The following C12orf42 variants were observed in gnomAD, a reference collection of about 807,000 sequenced individuals.
C12orf42 encodes uncharacterized protein C12orf42.
Under a neutral mutation model 21.6 loss-of-function variants are expected in C12orf42, and 25 were observed. The ratio of observed to expected loss-of-function variants is 1.16; its 90% CI spans 0.84 to 1.62. The LOEUF is 1.62. Among genes scored for constraint, C12orf42 ranks in the 40% most tolerant of loss-of-function variants. The pLI is 0.00. For missense variants in C12orf42, 483 were observed against 459.3 expected (o/e 1.05, Z -0.47); for synonymous variants, 174 against 175.0 (o/e 0.99, Z 0.05).
At chr12:103,312,216 G>C (rs2039039797) in intron 4 of C12orf42, among the ~76,000 whole-genome samples, 1 of 152,158 alleles carries the variant, frequency 6.6e-6, no homozygotes, top group African/African-American at 2.4e-5. Flanking sequence ...GCTGAGTTTA[G>C]GACCCAGGTC....
chr12:103,334,655 C>T (rs998286819), intron 4 of C12orf42, among the ~76,000 whole-genome samples: 2 of 152,094 alleles, frequency 1.3e-5, no homozygotes, highest in African/African-American at 2.4e-5. Flanking sequence ...CCCTGCGTTC[C>T]CAGCCCCAGC....
At chr12:103,169,282 T>TGAGGAGGCA in the C12orf42 span, among the ~76,000 whole-genome samples, 1 of 152,082 alleles carries the variant, frequency 6.6e-6, no homozygotes, top group Non-Finnish European at 1.5e-5. Flanking sequence ...CTGTGCCCTA[T>TGAGGAGGCA]GTAAATCAGA....
chr12:103,139,038 GT>G, the C12orf42 span, among the ~76,000 whole-genome samples: 1 of 152,064 alleles, frequency 6.6e-6, no homozygotes, highest in Non-Finnish European at 1.5e-5. Flanking sequence ...CCCTTGTCTT[GT>G]GTTTTCTTTT....
chr12:103,146,596 G>GAA, the C12orf42 span, among the ~76,000 whole-genome samples: 1 of 149,620 alleles, frequency 6.7e-6, no homozygotes, highest in Non-Finnish European at 1.5e-5. Flanking sequence ...AAGAAAGAAA[G>GAA]AAAGAAAGAA....
the C12orf42 span, among the ~76,000 whole-genome samples, chr12:103,177,595 CA>C: frequency 5.2e-3 from 796 of 152,278 alleles, 3 homozygotes; most frequent in African/African-American, 0.018. Context: ...ATGGGCCTTC[CA>C]GGGGCACGGC....
intron 2 of C12orf42, among the ~76,000 whole-genome samples, chr12:103,403,172 G>A (rs879525580): frequency 9.2e-5 from 14 of 152,032 alleles, no homozygotes; most frequent in Admixed American, 2.0e-4. Context: ...TCAGGAGATC[G>A]AGACCACCCT....
intron 4 of C12orf42, among the ~76,000 whole-genome samples, chr12:103,340,749 A>G (rs1451778868): frequency 1.3e-5 from 2 of 152,242 alleles, no homozygotes; most frequent in African/African-American, 4.8e-5. Context: ...TGGACACTAG[A>G]ACGTCTGATA....
At chr12:103,125,558 A>T in the C12orf42 span, among the ~76,000 whole-genome samples, 1 of 152,140 alleles carries the variant, frequency 6.6e-6, no homozygotes, top group Admixed American at 6.6e-5. Flanking sequence ...GGAAGAAATG[A>T]GTTCATTGCT....
At chr12:103,304,986 C>G (rs1304745488) in intron 5 of C12orf42, among the ~76,000 whole-genome samples, 1 of 152,126 alleles carries the variant, frequency 6.6e-6, no homozygotes, top group Non-Finnish European at 1.5e-5. Context: ...CAAAAGGTCC[C>G]TATAAAGCAG....
At chr12:103,309,199 G>A (rs1233384525) in intron 4 of C12orf42, among the ~76,000 whole-genome samples, 3 of 152,138 alleles carry the variant, frequency 2.0e-5, no homozygotes, top group African/African-American at 4.8e-5. Flanking sequence ...CCCTTGAACT[G>A]AGCAGGTCCA....
chr12:103,503,331 C>A, the C12orf42 span: 3 of 152,326 alleles, frequency 2.0e-5, no homozygotes, highest in Admixed American at 2.0e-4. Flanking sequence ...TCTGGCGCCC[C>A]AGCTCCTCCA....
At chr12:103,227,189 G>A in the C12orf42 span, among the ~76,000 whole-genome samples, 1 of 152,034 alleles carries the variant, frequency 6.6e-6, no homozygotes, top group Non-Finnish European at 1.5e-5. Context: ...AGAGAAGAGA[G>A]TAGAGAAATG....
chr12:103,063,446 C>T, the C12orf42 span, among the ~76,000 whole-genome samples: 1 of 152,100 alleles, frequency 6.6e-6, no homozygotes, highest in African/African-American at 2.4e-5. Flanking sequence ...GTGGGAGGAC[C>T]CTGATGAAGC....
Position 103,433,181 on chromosome 12 carries a change from A to G in C12orf42, c.79-31506T>C, listed in dbSNP as rs150034478. 7.2e-5 allele frequency among the ~76,000 whole-genome samples: 11 copies of G among 152,350 alleles called. No individual in the cohort carries two copies. The East Asian group carries it at 2.1e-3, about 29-fold the overall frequency. ...GCACAATTCCTGGCCCTGAATAAAT[A>G]TTCATTACATAATAAAACCACAAGA... is the stretch of plus-strand genomic sequence containing the variant. On this transcript the variant is annotated intron_variant, in intron 2 of 5. Transcript: ENST00000548883.
intron 4 of C12orf42, among the ~76,000 whole-genome samples, chr12:103,326,338 C>T (rs539360218): frequency 2.6e-5 from 4 of 152,286 alleles, no homozygotes; most frequent in South Asian, 4.1e-4. Flanking sequence ...CAAGGTCCAG[C>T]GGCCACTCAT....
At chr12:103,336,353 T>C (rs2041694941) in intron 4 of C12orf42, among the ~76,000 whole-genome samples, 1 of 152,226 alleles carries the variant, frequency 6.6e-6, no homozygotes, top group South Asian at 2.1e-4. Context: ...CACACACTTT[T>C]AGTCAGAAAA....
At chr12:103,103,029 C>G in the C12orf42 span, among the ~76,000 whole-genome samples, 1 of 152,188 alleles carries the variant, frequency 6.6e-6, no homozygotes, top group Admixed American at 6.5e-5. Flanking sequence ...CCAACAGAAA[C>G]ACATCTCACT....
chr12:103,112,422 A>G, the C12orf42 span, among the ~76,000 whole-genome samples: 22 of 152,196 alleles, frequency 1.4e-4, no homozygotes, highest in African/African-American at 5.1e-4. Context: ...CACTTTGGGA[A>G]GCCGAGGCAG....
the C12orf42 span, among the ~76,000 whole-genome samples, chr12:103,126,406 T>C: frequency 2.0e-5 from 3 of 152,218 alleles, no homozygotes; most frequent in Admixed American, 6.5e-5. Context: ...ATATTGTAAC[T>C]AGGAATGAGT....
Sources: gnomAD v4.1 joint callset for allele counts (sites outside exome capture counted in the v4.1 genomes callset) on GRCh38, gnomAD v4.1.1 for gene constraint, MANE v1.5 for transcripts, NCBI Gene and HGNC (gene_info 2026-07-23, HGNC 2026-07-21) for gene names.